The following MYO1E variants were observed in gnomAD, a reference collection of about 807,000 sequenced individuals.
MYO1E encodes unconventional myosin-Ie.
Under a neutral mutation model 151.1 loss-of-function variants are expected in MYO1E, and 68 were observed. The observed-to-expected ratio is 0.45, with a 90% confidence interval of 0.37 to 0.55. The LOEUF (loss-of-function observed/expected upper bound fraction) is 0.55. MYO1E is among the 20% of genes least tolerant of loss of function. The pLI is 0.00. For missense variants in MYO1E, 1,363 were observed against 1,389.3 expected (o/e 0.98, Z 0.30); for synonymous variants, 601 against 501.7 (o/e 1.20, Z -2.64).
chr15:59,222,990 A>G (rs1342049579), intron 9 of MYO1E, 69 bp downstream of exon 9: 1 of 1,597,116 alleles, frequency 6.3e-7, no homozygotes, highest in African/African-American at 1.3e-5. Flanking sequence ...AAGCAAAGGA[A>G]AGTGCTAGGT....
intron 1 of MYO1E, among the ~76,000 whole-genome samples, chr15:59,370,481 G>C (rs1408815936): frequency 6.6e-6 from 1 of 152,202 alleles, no homozygotes; most frequent in African/African-American, 2.4e-5. Context: ...TTTTCCATCA[G>C]TGAATTGTGA....
At chr15:59,228,781 T>C (rs1194383236) in intron 6 of MYO1E, among the ~76,000 whole-genome samples, 2 of 152,178 alleles carry the variant, frequency 1.3e-5, no homozygotes, top group Non-Finnish European at 2.9e-5. Context: ...TTTATGTCTG[T>C]GACTGGAGCT....
chr15:59,301,785 T>C (rs1399681568), intron 1 of MYO1E, among the ~76,000 whole-genome samples: 1 of 152,176 alleles, frequency 6.6e-6, no homozygotes, highest in Non-Finnish European at 1.5e-5. Flanking sequence ...CAGGGGATTC[T>C]CTTTAACTCT....
intron 26 of MYO1E, among the ~76,000 whole-genome samples, chr15:59,149,447 G>A (rs2079463460): frequency 6.7e-6 from 1 of 150,262 alleles, no homozygotes; most frequent in African/African-American, 2.4e-5. Flanking sequence ...CTTCTCAAAA[G>A]CTATGCTAAT....
intron 6 of MYO1E, among the ~76,000 whole-genome samples, chr15:59,228,514 A>G (rs1329135144): frequency 6.6e-6 from 1 of 151,032 alleles, no homozygotes; most frequent in African/African-American, 2.4e-5. Flanking sequence ...TAATTATTAT[A>G]ACAATTATTA....
chr15:59,234,765 G>A (rs1360032496), intron 5 of MYO1E, among the ~76,000 whole-genome samples: 1 of 147,190 alleles, frequency 6.8e-6, no homozygotes, highest in East Asian at 2.0e-4. Flanking sequence ...GGAGGCTACA[G>A]TGAGCTGAGA....
chr15:59,297,723 G>A (rs1364644982), intron 1 of MYO1E, among the ~76,000 whole-genome samples: 2 of 151,844 alleles, frequency 1.3e-5, no homozygotes, highest in African/African-American at 2.4e-5. Flanking sequence ...TGGGACTACA[G>A]GTGTGCACTA....
intron 1 of MYO1E, among the ~76,000 whole-genome samples, chr15:59,363,244 T>C (rs1432316843): frequency 3.3e-5 from 5 of 152,228 alleles, no homozygotes; most frequent in Non-Finnish European, 7.3e-5. Context: ...CCCAAGGTGC[T>C]GGGATTACAG....
intron 1 of MYO1E, among the ~76,000 whole-genome samples, chr15:59,315,203 A>T (rs911821560): frequency 5.9e-5 from 9 of 152,014 alleles, no homozygotes; most frequent in Non-Finnish European, 1.0e-4. Context: ...TTTTTTAAGT[A>T]AGTTCTCTGT....
chr15:59,281,035 C>T (rs2080350264), intron 1 of MYO1E, among the ~76,000 whole-genome samples: 1 of 152,144 alleles, frequency 6.6e-6, no homozygotes, highest in Non-Finnish European at 1.5e-5. Flanking sequence ...GGATGACAAG[C>T]TGCCCAAGAG....
chr15:59,269,789 G>T (rs2080278696), intron 2 of MYO1E, among the ~76,000 whole-genome samples: 1 of 152,026 alleles, frequency 6.6e-6, no homozygotes, highest in South Asian at 2.1e-4. Flanking sequence ...GGAGGCGAAG[G>T]TTGCAGTGAG....
chr15:59,247,110 C>T (rs1033701507), intron 4 of MYO1E, among the ~76,000 whole-genome samples: 4 of 152,144 alleles, frequency 2.6e-5, no homozygotes, highest in East Asian at 3.9e-4. Flanking sequence ...GTGGGAGGAT[C>T]GCTTGAGCCT....
At chr15:59,315,303 T>C (rs939543306) in intron 1 of MYO1E, among the ~76,000 whole-genome samples, 1 of 152,204 alleles carries the variant, frequency 6.6e-6, no homozygotes, top group Non-Finnish European at 1.5e-5. Context: ...CTCACTTCTT[T>C]GGCTACATGT....
intron 4 of MYO1E, among the ~76,000 whole-genome samples, chr15:59,248,345 G>A (rs373604594): frequency 6.6e-6 from 1 of 151,282 alleles, no homozygotes; most frequent in Non-Finnish European, 1.5e-5. Context: ...AATTAGCCAG[G>A]CAAGGTGGTG....
intron 1 of MYO1E, among the ~76,000 whole-genome samples, chr15:59,332,924 T>C (rs139248314): frequency 6.6e-6 from 1 of 152,280 alleles, no homozygotes; most frequent in African/African-American, 2.4e-5. Context: ...TGTTATTTAA[T>C]CAGGTGTTTC....
At chr15:59,343,952 T>C (rs2080779855) in intron 1 of MYO1E, among the ~76,000 whole-genome samples, 2 of 152,232 alleles carry the variant, frequency 1.3e-5, no homozygotes, top group Admixed American at 1.3e-4. Context: ...TCAAAACAGC[T>C]ATTTTAAGCT....
At chr15:59,340,372 A>G (rs561941458) in intron 1 of MYO1E, among the ~76,000 whole-genome samples, 8 of 144,892 alleles carry the variant, frequency 5.5e-5, no homozygotes, top group African/African-American at 1.9e-4. Context: ...AACTTTTCAC[A>G]TTAACCTTTT....
chr15:59,187,731 G>A (rs1428257237), intron 18 of MYO1E, among the ~76,000 whole-genome samples: 2 of 152,284 alleles, frequency 1.3e-5, no homozygotes, highest in Non-Finnish European at 2.9e-5. Context: ...TCCACACAAT[G>A]GAATATTATT....
intron 1 of MYO1E, among the ~76,000 whole-genome samples, chr15:59,362,319 T>C (rs1398648859): frequency 2.0e-5 from 3 of 152,230 alleles, no homozygotes. Flanking sequence ...CTATGCATAT[T>C]GATACCATAT....
Sources: allele counts gnomAD v4.1 joint callset (sites outside exome capture counted in the v4.1 genomes callset), GRCh38; gene constraint gnomAD v4.1.1; transcripts MANE v1.5; gene names NCBI Gene and HGNC (gene_info 2026-07-23, HGNC 2026-07-21).